The following STARD8 variants were observed in gnomAD, a reference collection of about 807,000 sequenced individuals.
STARD8 encodes the protein stAR-related lipid transfer protein 8.
A neutral mutation model predicts 69.4 loss-of-function variants in STARD8; 25 were observed. The observed-to-expected ratio is 0.36, with a 90% CI of 0.26 to 0.50. STARD8 has a LOEUF of 0.50. Among genes scored for constraint, STARD8 ranks in the 20% least tolerant of loss-of-function variants. STARD8 has a pLI of 0.96. For missense variants in STARD8, 921 were observed against 932.5 expected (o/e 0.99, Z 0.16); for synonymous variants, 389 against 374.6 (o/e 1.04, Z -0.45).
chrX:68,648,010 A>G, intron 1 of STARD8, 83 bp downstream of exon 1: 1 of 1,094,667 alleles, frequency 9.1e-7, no homozygotes, highest in Non-Finnish European at 1.2e-6. Flanking sequence ...CAGCTGGGAA[A>G]ACGGACCAGA....
intron 2 of STARD8, among the ~76,000 whole-genome samples, chrX:68,705,828 AT>A (rs2080002420): frequency 8.8e-6 from 1 of 113,038 alleles, no homozygotes; most frequent in Non-Finnish European, 1.9e-5. Context: ...GTCTCCAGAC[AT>A]TGCCAAATGT....
In STARD8 at chrX:68,722,179, A is replaced by G. The variant is rs2080155925; in HGVS notation, c.2574+18A>G. On this transcript the variant is annotated intron_variant, in intron 11 of 14. Transcript: ENST00000374599. ...TTTTCCAGGTGAGTAACCCCAGGCC[A>G]TGACACCTACTTACCAGACCTGGGG... The G allele has an allele frequency of 2.6e-6, 3 of 1,163,428 alleles. No homozygotes were observed. The South Asian group carries it at 5.6e-5, about 22-fold the overall frequency.
chrX:68,716,308 T>G, intron 4 of STARD8, 60 bp from the exon 5 acceptor site: 3 of 1,101,069 alleles, frequency 2.7e-6, no homozygotes, highest in Non-Finnish European at 3.7e-6. Context: ...TGCATCTTGG[T>G]AGGCTCTGCC....
intron 2 of STARD8, among the ~76,000 whole-genome samples, chrX:68,668,282 T>TTCTTTC (rs1569355564): frequency 2.4e-4 from 22 of 93,369 alleles, no homozygotes; most frequent in African/African-American, 8.4e-4. Flanking sequence ...TTCTCTTTCT[T>TTCTTTC]TCTTTCTTTC....
chrX:68,670,801 C>T (rs2079723581), intron 2 of STARD8, among the ~76,000 whole-genome samples: 1 of 111,794 alleles, frequency 8.9e-6, no homozygotes, highest in Non-Finnish European at 1.9e-5. Context: ...GTTAAAGCAG[C>T]CCCATGCACC....
At chrX:68,691,287 G>A (rs2079874959) in intron 2 of STARD8, among the ~76,000 whole-genome samples, 1 of 111,981 alleles carries the variant, frequency 8.9e-6, no homozygotes, top group African/African-American at 3.2e-5. Flanking sequence ...GAGGGCTTGA[G>A]GAAAAGGGGA....
chrX:68,702,052 C>T (rs2079970432), intron 2 of STARD8, among the ~76,000 whole-genome samples: 1 of 111,985 alleles, frequency 8.9e-6, no homozygotes, highest in African/African-American at 3.2e-5. Context: ...GCTTATTCCC[C>T]TTTATCTTGC....
In STARD8 at chrX:68,711,728, C is replaced by A. The variant is rs370091682; in HGVS notation, c.80-1186C>A. ...CATCCTGGGTTTCCTTGTGAGTGAG[C>A]ACTGGGAAGAGAGAGCTCTTCCTGT... On this transcript the variant is annotated intron_variant, in intron 2 of 14. Transcript: ENST00000374599. 2.7e-5 allele frequency among the ~76,000 whole-genome samples: 3 copies of A among 112,616 alleles called. No homozygotes were observed. In the East Asian group the frequency reaches 8.4e-4, roughly 32 times the overall value.
In STARD8 at chrX:68,716,446, A is replaced by T. The variant is rs755753403; in HGVS notation, c.297+15A>T. 8.3e-7 allele frequency: 1 copy of T among 1,206,819 alleles called. No individual in the cohort carries two copies. Among genetic ancestry groups the T allele is most frequent in the African/African-American group, 1.8e-5 (1 of 57,073 alleles). ...AAAGCAAGCAGGTGAGTCATGGCAA[A>T]GCGTGGGTCTGTGGTCTTGTGGTGC... is the stretch of plus-strand genomic sequence containing the variant. On this transcript the variant is annotated intron_variant, in intron 5 of 14. Transcript: ENST00000374599.
intron 1 of STARD8, among the ~76,000 whole-genome samples, chrX:68,664,105 A>T (rs1012222957): frequency 8.9e-6 from 1 of 111,804 alleles, no homozygotes; most frequent in Non-Finnish European, 1.9e-5. Flanking sequence ...ATAGACACAT[A>T]CTATGGCAAC....
chrX:68,653,236 ACACACACACCACACATACAC>A (rs2079577864), intron 1 of STARD8, among the ~76,000 whole-genome samples: 2 of 26,334 alleles, frequency 7.6e-5, no homozygotes, highest in African/African-American at 2.5e-4. Flanking sequence ...ACCACACCAC[ACACACACACCACACATACAC>A]CACACACACC....
At chrX:68,691,039 C>G (rs2079873194) in intron 2 of STARD8, among the ~76,000 whole-genome samples, 1 of 111,820 alleles carries the variant, frequency 8.9e-6, no homozygotes, top group African/African-American at 3.3e-5. Flanking sequence ...GTTCATTATA[C>G]TCCCTCTTGT....
At chrX:68,696,498 A>C (rs191953736) in intron 2 of STARD8, among the ~76,000 whole-genome samples, 144 of 112,110 alleles carry the variant, frequency 1.3e-3, no homozygotes, top group Middle Eastern at 4.6e-3. Context: ...CTTGCATGCT[A>C]AACAGTTGCT....
chrX:68,689,653 C>T (rs1045548189), intron 2 of STARD8, among the ~76,000 whole-genome samples: 9 of 112,293 alleles, frequency 8.0e-5, no homozygotes, highest in African/African-American at 9.7e-5. Context: ...CTGAATCTCC[C>T]CTGGCCTGGG....
At chrX:68,692,899 C>T (rs1454563923) in intron 2 of STARD8, among the ~76,000 whole-genome samples, 1 of 112,724 alleles carries the variant, frequency 8.9e-6, no homozygotes, top group East Asian at 2.8e-4. Context: ...TACTCTCAGA[C>T]CTGACTAATA....
At position 68,647,958 on chromosome X, in the gene STARD8, G is replaced by A. The variant is rs1384228595; in HGVS notation, c.45+31G>A. The A allele has an allele frequency of 3.4e-6, 4 of 1,186,099 alleles. No homozygotes were observed. In the South Asian group the frequency reaches 7.5e-5, roughly 22 times the overall value. On this transcript the variant is annotated intron_variant, in intron 1 of 14. Transcript: ENST00000374599. Reference sequence around the variant, plus strand: ...TGACTGGCCAGCCCCAGCCCATCCCGCTGCTCAGGGGGGAAGGAGGCAGAT... The same window carrying A: ...TGACTGGCCAGCCCCAGCCCATCCCACTGCTCAGGGGGGAAGGAGGCAGAT...
chrX:68,684,740 C>A (rs753920866), intron 2 of STARD8, among the ~76,000 whole-genome samples: 1 of 112,608 alleles, frequency 8.9e-6, no homozygotes, highest in African/African-American at 3.2e-5. Context: ...GAGAGACGGG[C>A]TTCCCATTGA....
intron 2 of STARD8, among the ~76,000 whole-genome samples, chrX:68,682,732 G>A (rs1030666618): frequency 3.6e-5 from 4 of 112,672 alleles, no homozygotes; most frequent in African/African-American, 1.3e-4. Flanking sequence ...TGTGAAATAA[G>A]TAAAGGAAAT....
rs775687904 is a variant in STARD8 at position 68,724,345 on chromosome X, C to G, written c.3235C>G (p.Leu1079Val). The G allele has an allele frequency of 1.7e-6, 2 of 1,209,607 alleles. No individual in the cohort carries two copies. Among genetic ancestry groups the G allele is most frequent in the Non-Finnish European group, 2.2e-6 (2 of 894,372 alleles). The change falls in exon 15 of 15, where the codon CTG becomes GTG. Residue 1079 changes from leucine (L) to valine (V), a missense_variant. Physicochemically the swap from Leu to Val is conservative, Grantham distance 32 (BLOSUM62 1). Coordinates refer to ENST00000374599, the MANE Select transcript of STARD8 (RefSeq NM_001142503.3). ...CTGGTACAACAAAGTCTTTGGACAC[C>G]TGTGTGCCATGGAAGTGGCAAAGAT... ...PDWYNKVFGHLCAMEVAKIRD... is the reference protein window; with the variant it reads ...PDWYNKVFGHVCAMEVAKIRD...
Sources: allele counts gnomAD v4.1 joint callset (sites outside exome capture counted in the v4.1 genomes callset), GRCh38; gene constraint gnomAD v4.1.1; transcripts MANE v1.5; gene names NCBI Gene and HGNC (gene_info 2026-07-23, HGNC 2026-07-21).